PCDHA1: variants seen among roughly 807,000 people sequenced by gnomAD.
The protein encoded by PCDHA1 is protocadherin alpha 1.
A neutral mutation model predicts 61.3 loss-of-function variants in PCDHA1; 42 were observed. The ratio of observed to expected loss-of-function variants is 0.69; its 90% CI spans 0.54 to 0.89. The LOEUF (loss-of-function observed/expected upper bound fraction) is 0.89. Ranked by LOEUF, PCDHA1 falls within the 40% of genes least tolerant of loss-of-function variation. The probability of loss-of-function intolerance (pLI) is 0.00; values close to 1 mark genes in which losing one functional copy is unlikely to be tolerated. For missense variants in PCDHA1, 1,256 were observed against 1,235.3 expected (o/e 1.02, Z -0.25); for synonymous variants, 610 against 553.8 (o/e 1.10, Z -1.43).
At chr5:140,837,739 G>A (rs1207886086) in intron 1 of PCDHA1, among the ~76,000 whole-genome samples, 2 of 151,316 alleles carry the variant, frequency 1.3e-5, no homozygotes, top group Non-Finnish European at 2.9e-5. Flanking sequence ...TGCAGTGGTG[G>A]GATTATAGCC....
chr5:140,814,795 A>T (rs1019265696), intron 1 of PCDHA1: 4 of 152,170 alleles, frequency 2.6e-5, no homozygotes, highest in African/African-American at 9.6e-5. Context: ...GTTGTTATAC[A>T]ACACTTGACT....
At chr5:140,807,247 C>T in intron 1 of PCDHA1, 2 of 1,614,062 alleles carry the variant, frequency 1.2e-6, no homozygotes, top group Non-Finnish European at 1.7e-6. Context: ...TACTTCTTCT[C>T]CTCGCAGCCT....
intron 1 of PCDHA1, among the ~76,000 whole-genome samples, chr5:140,939,327 C>T (rs2092367339): frequency 6.6e-6 from 1 of 152,146 alleles, no homozygotes; most frequent in South Asian, 2.1e-4. Flanking sequence ...ATATCATAAT[C>T]TTAGGGGTTA....
At chr5:140,947,147 C>A (rs1025959771) in intron 1 of PCDHA1, among the ~76,000 whole-genome samples, 1 of 151,270 alleles carries the variant, frequency 6.6e-6, no homozygotes, top group African/African-American at 2.4e-5. Flanking sequence ...TGTATAGTTA[C>A]TTCCACGGGG....
At chr5:141,001,683 C>T (rs1042436989) in intron 3 of PCDHA1, among the ~76,000 whole-genome samples, 1 of 152,030 alleles carries the variant, frequency 6.6e-6, no homozygotes, top group Non-Finnish European at 1.5e-5. Flanking sequence ...TCCAACAAAC[C>T]CCACAGATGG....
intron 1 of PCDHA1, among the ~76,000 whole-genome samples, chr5:140,817,910 A>G (rs191230679): frequency 6.6e-6 from 1 of 152,180 alleles, no homozygotes; most frequent in African/African-American, 2.4e-5. Context: ...ATGACATTCC[A>G]TGGTCTTCTT....
chr5:140,817,804 C>T (rs2150099186), intron 1 of PCDHA1, among the ~76,000 whole-genome samples: 1,550 of 152,176 alleles, frequency 0.01, 30 homozygotes, highest in African/African-American at 0.036. Flanking sequence ...GAAACCTTTA[C>T]GTTTTTATAT....
At chr5:140,829,087 TC>T in intron 1 of PCDHA1, 2 of 1,611,204 alleles carry the variant, frequency 1.2e-6, no homozygotes, top group South Asian at 2.2e-5. Flanking sequence ...CCATGGCGGG[TC>T]ATTGCACCGT....
At chr5:140,862,905 G>A in intron 1 of PCDHA1, 2 of 551,590 alleles carry the variant, frequency 3.6e-6, no homozygotes, top group Non-Finnish European at 7.0e-6. Context: ...TGTCTGCGCT[G>A]CTGGCGCCTT....
rs2150396566 is a variant in PCDHA1, at chr5:140,846,990, G to A, written c.2394+58306G>A. 7.1e-4 allele frequency among the ~76,000 whole-genome samples: 106 copies of A among 149,506 alleles called. 4 individuals are homozygous for A. In the South Asian group the frequency reaches 0.022, roughly 31 times the overall value. On this transcript the variant is annotated intron_variant, in intron 1 of 3. Coordinates refer to ENST00000504120, the MANE Select transcript of PCDHA1 (RefSeq NM_018900.4). The stretch of plus-strand genomic sequence containing the variant: ...GTTTTAAAATAAGTAAGTTCCCCCC[G>A]GGAGAATATTGAGAATGATAGACAT...
intron 1 of PCDHA1, among the ~76,000 whole-genome samples, chr5:140,904,941 G>A (rs782716792): frequency 7.2e-5 from 11 of 152,102 alleles, no homozygotes; most frequent in Admixed American, 3.9e-4. Context: ...CTGGATATTA[G>A]TCCTTTGTCT....
chr5:140,850,200 C>T, intron 1 of PCDHA1: 1 of 1,593,442 alleles, frequency 6.3e-7, no homozygotes. Context: ...GCTGACACCT[C>T]GGATGAGGGG....
In PCDHA1 at chr5:140,788,350, C is replaced by A. The variant is rs782810018; in HGVS notation, c.2060C>A (p.Ala687Glu). Residue 687 changes from alanine to glutamate, a missense_variant, in exon 1 of 4, where the codon GCG (alanine) becomes GAG (glutamate). Ala to Glu is a moderately radical substitution (Grantham distance 107). Coordinates refer to ENST00000504120, the MANE Select transcript of PCDHA1 (RefSeq NM_018900.4). ...KASSRASVGV[A>E]GPEAALVDVN... ...TCTTCGCGGGCGTCGGTGGGTGTCG[C>A]GGGCCCAGAGGCGGCGCTGGTGGAT... 2 of 1,613,984 alleles carry A rather than the reference C, an allele frequency of 1.2e-6. No homozygotes were observed. The highest frequency in any genetic ancestry group is 2.2e-5 in the South Asian group (2 of 91,082).
intron 1 of PCDHA1, chr5:140,969,402 T>C: frequency 6.3e-7 from 1 of 1,579,638 alleles, no homozygotes; most frequent in Non-Finnish European, 8.6e-7. Flanking sequence ...TCCTGTGATT[T>C]GGCTTTATTG....
At position 140,927,034 on chromosome 5, in the gene PCDHA1, G is replaced by A. The variant is rs782732545; in HGVS notation, c.2395-51915G>A. ...CTCCGCGGACTTGAGGCTGCCAGCG[G>A]CCGCTATGTCCTCGCGGAACTTTCG... On this transcript the variant is annotated intron_variant, in intron 1 of 3. Coordinates refer to ENST00000504120, the MANE Select transcript of PCDHA1 (RefSeq NM_018900.4). 6 of 1,612,400 alleles carry A rather than the reference G, an allele frequency of 3.7e-6. No individual in the cohort carries two copies. The East Asian group carries it at 8.9e-5, about 24-fold the overall frequency.
At chr5:140,832,932 A>G (rs2150205265) in intron 1 of PCDHA1, among the ~76,000 whole-genome samples, 5 of 152,204 alleles carry the variant, frequency 3.3e-5, no homozygotes, top group Non-Finnish European at 7.4e-5. Flanking sequence ...ATTCATGAGA[A>G]GAGAGTAACT....
chr5:140,932,712 A>G (rs1025750078), intron 1 of PCDHA1, among the ~76,000 whole-genome samples: 4 of 151,972 alleles, frequency 2.6e-5, no homozygotes, highest in African/African-American at 9.6e-5. Context: ...AGACAACACA[A>G]TAATATTGTA....
At chr5:140,861,714 C>T (rs1270815582) in intron 1 of PCDHA1, 2 of 216,396 alleles carry the variant, frequency 9.2e-6, no homozygotes, top group Non-Finnish European at 1.9e-5. Flanking sequence ...GACGTCGGGG[C>T]CAATGCTCTG....
At chr5:140,987,119 CAGG>C (rs1258206409) in intron 3 of PCDHA1, among the ~76,000 whole-genome samples, 2 of 151,448 alleles carry the variant, frequency 1.3e-5, no homozygotes, top group Non-Finnish European at 2.9e-5. Flanking sequence ...GAGGCTGAGG[CAGG>C]AGAATTGCTT....
Sources: allele counts gnomAD v4.1 joint callset (sites outside exome capture counted in the v4.1 genomes callset), GRCh38; gene constraint gnomAD v4.1.1; transcripts MANE v1.5; gene names NCBI Gene and HGNC (gene_info 2026-07-23, HGNC 2026-07-21).